PKHD1: variants seen among roughly 807,000 people sequenced by gnomAD.
PKHD1 encodes the protein fibrocystin.
In PKHD1, 291 loss-of-function variants were observed where a neutral mutation model predicts 412.0. That is an observed-to-expected ratio of 0.71 (90% CI 0.64 to 0.78). The LOEUF (loss-of-function observed/expected upper bound fraction) is 0.78. Ranked by LOEUF, PKHD1 falls within the 30% of genes least tolerant of loss-of-function variation. The pLI, the probability that PKHD1 is intolerant of heterozygous loss-of-function variation, is 0.00. For missense variants in PKHD1, 4,825 were observed against 4,950.7 expected, an observed-to-expected ratio of 0.97 and a Z score of 0.76; for synonymous variants, 1,777 against 1,821.5, an observed-to-expected ratio of 0.98 and a Z score of 0.62.
At chr6:51,720,046 C>T (rs1440634617) in intron 60 of PKHD1, among the ~76,000 whole-genome samples, 1 of 152,108 alleles carries the variant, frequency 6.6e-6, no homozygotes, top group Non-Finnish European at 1.5e-5. Context: ...TGCATGGAGG[C>T]AGGGTAAAGG....
intron 36 of PKHD1, among the ~76,000 whole-genome samples, chr6:51,949,838 A>C (rs1420832305): frequency 2.0e-5 from 3 of 151,934 alleles, no homozygotes; most frequent in Non-Finnish European, 2.9e-5. Context: ...AGAATACCTA[A>C]ACCTAGCAAC....
At chr6:52,017,362 TG>T (rs1230216876) in intron 34 of PKHD1, 47 bp downstream of exon 34, 1 of 1,345,294 alleles carries the variant, frequency 7.4e-7, no homozygotes, top group Admixed American at 1.7e-5. Context: ...ATCGGTCCAT[TG>T]GCCAAGCATT....
At chr6:51,991,991 A>G (rs1187305184) in intron 35 of PKHD1, among the ~76,000 whole-genome samples, 3 of 152,230 alleles carry the variant, frequency 2.0e-5, no homozygotes, top group Non-Finnish European at 4.4e-5. Flanking sequence ...CAAGAGTGCC[A>G]AAGAGCACAG....
intron 33 of PKHD1, among the ~76,000 whole-genome samples, chr6:52,022,149 A>G (rs1044044511): frequency 3.3e-5 from 5 of 152,154 alleles, no homozygotes; most frequent in Non-Finnish European, 5.9e-5. Flanking sequence ...AAGCTTTGCA[A>G]CTTACTCTCT....
intron 1 of PKHD1, among the ~76,000 whole-genome samples, chr6:52,085,979 A>T (rs1436837353): frequency 6.6e-6 from 1 of 151,484 alleles, no homozygotes; most frequent in Non-Finnish European, 1.5e-5. Context: ...TTAAACACCC[A>T]CATGTACTAC....
intron 35 of PKHD1, among the ~76,000 whole-genome samples, chr6:51,982,516 C>T (rs969344357): frequency 7.3e-6 from 1 of 137,740 alleles, no homozygotes; most frequent in South Asian, 2.5e-4. Context: ...TTATCCCCAA[C>T]CCTGTGCTCT....
At chr6:51,768,153 T>G (rs1789453256) in intron 55 of PKHD1, among the ~76,000 whole-genome samples, 1 of 146,152 alleles carries the variant, frequency 6.8e-6, no homozygotes, top group Admixed American at 6.7e-5. Flanking sequence ...CACCTACTTT[T>G]TGAGGGGGTT....
At chr6:51,897,334 C>A (rs998292967) in intron 43 of PKHD1, among the ~76,000 whole-genome samples, 23 of 152,142 alleles carry the variant, frequency 1.5e-4, no homozygotes, top group Non-Finnish European at 2.6e-4. Context: ...ACCCTACAAG[C>A]CAGAAGAGTG....
chr6:52,023,105 C>G (rs1009450342), intron 32 of PKHD1, among the ~76,000 whole-genome samples, 161 bp from the exon 33 acceptor site: 2 of 152,184 alleles, frequency 1.3e-5, no homozygotes, highest in Non-Finnish European at 2.9e-5. Flanking sequence ...AGTTTCCTCT[C>G]CACTTAGGCT....
At chr6:51,842,289 T>A (rs1770344459) in intron 50 of PKHD1, among the ~76,000 whole-genome samples, 15 of 152,122 alleles carry the variant, frequency 9.9e-5, no homozygotes, top group Admixed American at 8.5e-4. Context: ...GGAGGGCAAC[T>A]GTGAATGGCA....
Position 52,059,974 on chromosome 6 carries a change from C to T in PKHD1, c.1187G>A (p.Ser396Asn), listed in dbSNP as rs772507975. 31 of 1,608,680 alleles carry T rather than the reference C, an allele frequency of 1.9e-5. No individual in the cohort carries two copies. In the East Asian group the frequency reaches 6.7e-4, roughly 35 times the overall value. The change falls in exon 15 of 67, where the codon AGC becomes AAC. Residue 396 changes from serine to asparagine, a missense_variant. Ser to Asn is a conservative substitution (Grantham distance 46). Transcript: ENST00000371117. Reference protein sequence around the residue: ...NNYTFWIQADSQASLHFSWSE... With the variant: ...NNYTFWIQADNQASLHFSWSE... ...CCAACTGAAATGCAAGGAAGCTTGG[C>T]TATCTGCCTGAATCCAGAAAGTGTA...
intron 61 of PKHD1, among the ~76,000 whole-genome samples, chr6:51,650,523 AC>A (rs1418980612): frequency 1.3e-5 from 2 of 151,310 alleles, no homozygotes; most frequent in African/African-American, 4.9e-5. Context: ...TTTCCTAACC[AC>A]CTCCCCTTCC....
chr6:51,707,813 C>T (rs1780191018), intron 60 of PKHD1, among the ~76,000 whole-genome samples: 1 of 152,096 alleles, frequency 6.6e-6, no homozygotes, highest in Admixed American at 6.6e-5. Context: ...ACTGTATCAT[C>T]CCACCCACCT....
intron 4 of PKHD1, among the ~76,000 whole-genome samples, chr6:52,081,718 G>T (rs941496991): frequency 4.6e-5 from 7 of 152,130 alleles, no homozygotes; most frequent in Non-Finnish European, 8.8e-5. Context: ...TGGCATTTGT[G>T]GTATGGTTGG....
rs767242523 is a variant in PKHD1, at chr6:51,731,911, TAAAC to T, written c.10156+12470_10156+12473del. Among the ~76,000 whole-genome samples the T allele has an allele frequency of 1.9e-4, 29 of 152,308 alleles. No individual in the cohort carries two copies. In the East Asian group the frequency reaches 4.4e-3, roughly 23 times the overall value. On this transcript the variant is annotated intron_variant, in intron 60 of 66. Coordinates refer to ENST00000371117, the MANE Select transcript of PKHD1 (RefSeq NM_138694.4). ...TATTGGAAAATGTTTAGGTATATTT[TAAAC>T]AATGTTTATATGTGATTCTACTTTT...
At chr6:51,808,197 T>C (rs958192803) in intron 52 of PKHD1, among the ~76,000 whole-genome samples, 3 of 152,204 alleles carry the variant, frequency 2.0e-5, no homozygotes, top group Non-Finnish European at 4.4e-5. Context: ...TAGTGTACAA[T>C]TTGTAATATT....
At chr6:52,005,825 G>A (rs534463782) in intron 35 of PKHD1, among the ~76,000 whole-genome samples, 1 of 151,918 alleles carries the variant, frequency 6.6e-6, no homozygotes, top group South Asian at 2.1e-4. Context: ...CCTTTGGTAG[G>A]AAAACCTACG....
chr6:51,689,629 T>C (rs1207715199), intron 60 of PKHD1, among the ~76,000 whole-genome samples: 2 of 152,218 alleles, frequency 1.3e-5, no homozygotes, highest in Non-Finnish European at 2.9e-5. Flanking sequence ...CTTAAGCTGA[T>C]AAACAACTTC....
chr6:51,751,404 T>A (rs529550257), intron 57 of PKHD1, among the ~76,000 whole-genome samples: 1 of 152,284 alleles, frequency 6.6e-6, no homozygotes, highest in East Asian at 1.9e-4. Flanking sequence ...AAAAAACTGA[T>A]AAAATTTGAA....
Sources: allele counts gnomAD v4.1 joint callset (sites outside exome capture counted in the v4.1 genomes callset), GRCh38; gene constraint gnomAD v4.1.1; transcripts MANE v1.5; gene names NCBI Gene and HGNC (gene_info 2026-07-23, HGNC 2026-07-21).